KCNN1: variants seen among roughly 807,000 people sequenced by gnomAD.
KCNN1 encodes the protein small conductance calcium-activated potassium channel protein 1.
A neutral mutation model predicts 44.7 loss-of-function variants in KCNN1; 20 were observed. The ratio of observed to expected loss-of-function variants is 0.45; its 90% CI spans 0.32 to 0.65. The LOEUF (loss-of-function observed/expected upper bound fraction) is 0.65, where lower values mean the gene tolerates loss of function less well. Ranked by LOEUF, KCNN1 falls within the 30% of genes least tolerant of loss-of-function variation. KCNN1 has a pLI of 0.05. For synonymous variants in KCNN1, 324 were observed against 341.7 expected, an observed-to-expected ratio of 0.95 and a Z score of 0.57; for missense variants, 632 against 785.3, an observed-to-expected ratio of 0.80 and a Z score of 2.33.
intron 2 of KCNN1, among the ~76,000 whole-genome samples, chr19:17,960,910 C>A (rs1052513021): frequency 6.6e-6 from 1 of 152,102 alleles, no homozygotes; most frequent in Non-Finnish European, 1.5e-5. Context: ...TAGATCAGAG[C>A]CCACCCTAAT....
chr19:17,988,452 C>G lies in KCNN1; in HGVS notation c.1097C>G (p.Ala366Gly). ...GCTALVVAVV[A>G]RKLELTKAEK... ...ACCGCGCTCGTGGTGGCTGTGGTGGCTCGGAAGCTGGAGCTCACCAAGGCT... is the reference window on the plus strand; with the variant it reads ...ACCGCGCTCGTGGTGGCTGTGGTGGGTCGGAAGCTGGAGCTCACCAAGGCT... Residue 366 changes from alanine to glycine, a missense_variant, in exon 6 of 10, where the codon GCT becomes GGT. Around this residue, in one of 3 missense-constraint regions of KCNN1, gnomAD observed 237 missense variants for 253.0 expected, o/e 0.94. Coordinates refer to ENST00000684775, the MANE Select transcript of KCNN1 (RefSeq NM_001386974.1). 1 of 1,613,380 alleles carries G rather than the reference C, an allele frequency of 6.2e-7. No homozygotes were observed. Among genetic ancestry groups the G allele is most frequent in the Non-Finnish European group, 8.5e-7 (1 of 1,179,842 alleles).
chr19:17,992,637 A>G (rs1473701599), intron 7 of KCNN1, among the ~76,000 whole-genome samples: 1 of 152,148 alleles, frequency 6.6e-6, no homozygotes, highest in African/African-American at 2.4e-5. Flanking sequence ...GGGCGAGGGC[A>G]TACACTAACC....
intron 3 of KCNN1, among the ~76,000 whole-genome samples, chr19:17,981,224 G>A (rs986355299): frequency 6.6e-6 from 1 of 151,794 alleles, no homozygotes; most frequent in East Asian, 1.9e-4. Flanking sequence ...CAGCCTGTGC[G>A]ACAGAGTGAG....
chr19:17,980,713 G>A lies in KCNN1; in HGVS notation c.499-996G>A, dbSNP rs539868165. The stretch of plus-strand genomic sequence containing the variant: ...GGCCAGGAGTTTTAGACCAGCCTGG[G>A]CAAAATAGGGAGACCCCATCTCTAC... On this transcript the variant is annotated intron_variant, in intron 3 of 9. Coordinates refer to ENST00000684775, the MANE Select transcript of KCNN1 (RefSeq NM_001386974.1). Among the ~76,000 whole-genome samples, 4 of 151,040 alleles carry A rather than the reference G, an allele frequency of 2.6e-5. No homozygotes were observed. In the South Asian group the frequency reaches 8.4e-4, roughly 32 times the overall value.
chr19:17,988,371 C>A, intron 5 of KCNN1, 44 bp from the exon 6 acceptor site: 1 of 1,525,222 alleles, frequency 6.6e-7, no homozygotes, highest in Non-Finnish European at 9.0e-7. Context: ...GAGGGAGTGA[C>A]CTCAAGACAG....
Position 17,960,115 on chromosome 19 carries a change from A to G in KCNN1, c.-82+5434A>G, listed in dbSNP as rs79598522. On this transcript the variant is annotated intron_variant, in intron 2 of 10. Coordinates refer to the KCNN1 transcript ENST00000222249. ...CTAAACCAAACAAAAAAACAAAAAA[A>G]AAAAAGAAAAAGAAATAGTTCAGGT... 6.1e-3 allele frequency among the ~76,000 whole-genome samples: 920 copies of G among 152,006 alleles called. 5 individuals are homozygous for G. Among genetic ancestry groups the G allele is most frequent in the Middle Eastern group, 0.014 (4 of 294 alleles).
At chr19:17,979,619 A>G (rs1032835586) in intron 3 of KCNN1, among the ~76,000 whole-genome samples, 6 of 151,204 alleles carry the variant, frequency 4.0e-5, no homozygotes, top group African/African-American at 1.5e-4. Flanking sequence ...TAACTGACAG[A>G]TGTTATGTAT....
Position 17,998,336 on chromosome 19 carries a change from G to C in KCNN1, c.1562G>C (p.Gly521Ala). Residue 521 changes from glycine to alanine, a missense_variant, in exon 10 of 10, where the codon GGC (glycine) becomes GCC (alanine). Physicochemically the swap from Gly to Ala is moderately conservative, Grantham distance 60. Around this residue, in one of 3 missense-constraint regions of KCNN1, gnomAD observed 237 missense variants for 253.0 expected, o/e 0.94. Transcript: ENST00000684775. This position sits in a 1 kb window ranked among gnomAD's most constrained non-coding sequence, Gnocchi z 5.4. ...PPPLPPRPGP[G>A]PQDQAARSSP... ...CCCCTGCCTCCCAGGCCCGGCCCCG[G>C]CCCCCAAGACCAGGCAGCCCGGAGC... The C allele has an allele frequency of 6.5e-7, 1 of 1,531,166 alleles. No homozygotes were observed. The highest frequency in any genetic ancestry group is 8.7e-7 in the Non-Finnish European group (1 of 1,144,244). The allele number at this position is 1,531,166 out of a possible 1,614,324, so 94.8% of individuals were successfully genotyped here.
At chr19:17,978,915 C>T (rs557196073) in intron 3 of KCNN1, among the ~76,000 whole-genome samples, 1 of 151,570 alleles carries the variant, frequency 6.6e-6, no homozygotes, top group Non-Finnish European at 1.5e-5. Context: ...AAACAGTTAG[C>T]CAGGCATGGT....
chr19:17,959,226 A>T (rs1025831826), intron 2 of KCNN1, among the ~76,000 whole-genome samples: 1 of 150,736 alleles, frequency 6.6e-6, no homozygotes, highest in African/African-American at 2.4e-5. Context: ...GGGTTTCACC[A>T]TGTTGGCCAC....
chr19:17,988,638 T>C, intron 6 of KCNN1, 113 bp downstream of exon 6: 1 of 793,462 alleles, frequency 1.3e-6, no homozygotes, highest in Non-Finnish European at 2.1e-6. Context: ...TGGGTTACCA[T>C]GCAGCCCCGT....
At position 17,998,054 on chromosome 19, in the gene KCNN1, G is replaced by A; in HGVS notation, c.1378-98G>A. ...CATTAGTGGCTGGCACCCACCTGGA[G>A]CGTGTGGGCTGTCCCTCTCTGTCAT... On this transcript the variant is annotated intron_variant, in intron 9 of 9. Coordinates refer to ENST00000684775, the MANE Select transcript of KCNN1 (RefSeq NM_001386974.1). The surrounding 1 kb of genome is among the most constrained non-coding windows in gnomAD (Gnocchi z 5.4). 7.4e-7 allele frequency: 1 copy of A among 1,344,386 alleles called. No homozygotes were observed. Among genetic ancestry groups the A allele is most frequent in the African/African-American group, 1.5e-5 (1 of 67,868 alleles). The allele number at this position is 1,344,386 out of a possible 1,614,324, so 83.3% of individuals were successfully genotyped here. A position where few individuals can be genotyped will look rare whatever the true frequency, so the allele number is the denominator to read the frequency against.
chr19:17,960,964 T>TC (rs1483188340), intron 2 of KCNN1, among the ~76,000 whole-genome samples: 1 of 151,994 alleles, frequency 6.6e-6, no homozygotes, highest in Non-Finnish European at 1.5e-5. Flanking sequence ...AGCAGGTAGA[T>TC]CACTTGAGGC....
At chr19:17,965,745 G>GGT (rs2031787318), upstream of KCNN1, among the ~76,000 whole-genome samples, 1 of 152,082 alleles carries the variant, frequency 6.6e-6, no homozygotes, top group South Asian at 2.1e-4. Context: ...CCCTGTTACA[G>GGT]ATCCTATCCA....
At chr19:17,960,482 T>A (rs1454762673) in intron 2 of KCNN1, among the ~76,000 whole-genome samples, 2 of 151,778 alleles carry the variant, frequency 1.3e-5, no homozygotes, top group Non-Finnish European at 2.9e-5. Flanking sequence ...ATACAAAAAT[T>A]AGCCAGGCGT....
intron 1 of KCNN1, 100 bp downstream of exon 1, chr19:17,967,417 C>A: frequency 3.3e-6 from 2 of 609,948 alleles, no homozygotes; most frequent in Non-Finnish European, 2.1e-6. Context: ...CGGTTTGGGG[C>A]AGGGGCCAAG....
chr19:17,980,964 C>T (rs1458968214), intron 3 of KCNN1, among the ~76,000 whole-genome samples: 2 of 151,808 alleles, frequency 1.3e-5, no homozygotes, highest in Non-Finnish European at 2.9e-5. Context: ...CACGTGTAAT[C>T]CCAGCACTTT....
Position 17,971,464 on chromosome 19 carries a change from T to C in KCNN1, c.-81-2344T>C, listed in dbSNP as rs112439223. Among the ~76,000 whole-genome samples the C allele has an allele frequency of 1.3e-4, 19 of 151,102 alleles. 2 individuals carry two copies. Among genetic ancestry groups the C allele is most frequent in the African/African-American group, 4.7e-4 (19 of 40,588 alleles). On this transcript the variant is annotated intron_variant, in intron 1 of 9. Coordinates refer to ENST00000684775, the MANE Select transcript of KCNN1 (RefSeq NM_001386974.1). ...TGTGTCTTCAGGCAGGTTTGTATTA[T>C]TATTATTTTTTTTTTGAGACGGAGT...
chr19:17,986,473 G>A (rs1267803728), intron 5 of KCNN1, among the ~76,000 whole-genome samples: 5 of 151,992 alleles, frequency 3.3e-5, no homozygotes, highest in East Asian at 1.9e-4. Flanking sequence ...GACAGTGGGC[G>A]CAGGCAGCAC....
Sources: gnomAD v4.1 joint callset for allele counts (sites outside exome capture counted in the v4.1 genomes callset) on GRCh38, gnomAD v4.1.1 for gene constraint, gnomAD v4.1.1 regional missense constraint, Gnocchi (gnomAD v3.1) non-coding constraint, MANE v1.5 for transcripts, NCBI Gene and HGNC (gene_info 2026-07-23, HGNC 2026-07-21) for gene names.